The following RIT2 variants were observed in gnomAD, a reference collection of about 807,000 sequenced individuals.
The protein encoded by RIT2 is Ras like without CAAX 2.
RIT2 carries 24 observed loss-of-function variants against 23.7 expected under a neutral mutation model. The observed-to-expected ratio is 1.01, with a 90% CI of 0.73 to 1.43. RIT2 has a LOEUF of 1.43. Ranked by LOEUF, RIT2 falls within the 40% of genes most tolerant of loss-of-function variation. The probability of loss-of-function intolerance (pLI) is 0.00; values close to 1 mark genes in which losing one functional copy is unlikely to be tolerated. For missense variants in RIT2, 236 were observed against 266.9 expected, an observed-to-expected ratio of 0.88 and a Z score of 0.81; for synonymous variants, 107 against 91.1, an observed-to-expected ratio of 1.17 and a Z score of -0.99.
At chr18:42,841,106 G>A (rs541732183) in intron 4 of RIT2, among the ~76,000 whole-genome samples, 255 of 152,170 alleles carry the variant, frequency 1.7e-3, no homozygotes, top group African/African-American at 6.0e-3. Flanking sequence ...GCTGGATTAG[G>A]GAAAGAAAGA....
chr18:42,903,844 C>G (rs567332699), intron 4 of RIT2, among the ~76,000 whole-genome samples: 2 of 152,050 alleles, frequency 1.3e-5, no homozygotes, highest in East Asian at 3.9e-4. Flanking sequence ...CTAAGGCATC[C>G]TAAGTGAAAA....
chr18:43,103,775 C>A (rs927505605), intron 1 of RIT2, among the ~76,000 whole-genome samples: 1 of 152,092 alleles, frequency 6.6e-6, no homozygotes, highest in African/African-American at 2.4e-5. Flanking sequence ...TATTTCAATT[C>A]TAAAATGACG....
At chr18:42,754,698 T>C (rs1262538117) in intron 4 of RIT2, among the ~76,000 whole-genome samples, 1 of 152,166 alleles carries the variant, frequency 6.6e-6, no homozygotes, top group Non-Finnish European at 1.5e-5. Flanking sequence ...CTTATCTTAA[T>C]CCTCATTGTG....
chr18:42,977,498 G>A (rs575423530), intron 2 of RIT2, among the ~76,000 whole-genome samples: 2 of 151,896 alleles, frequency 1.3e-5, no homozygotes, highest in Admixed American at 1.3e-4. Flanking sequence ...TTCAGAAACC[G>A]TTGCTGTAGA....
At chr18:42,812,409 T>A (rs1345065148) in intron 4 of RIT2, among the ~76,000 whole-genome samples, 1 of 152,152 alleles carries the variant, frequency 6.6e-6, no homozygotes, top group Non-Finnish European at 1.5e-5. Flanking sequence ...TTGTTTTAAG[T>A]CCTTTAAAGT....
intron 2 of RIT2, among the ~76,000 whole-genome samples, chr18:43,024,415 T>G (rs181403062): frequency 1.3e-5 from 2 of 152,176 alleles, no homozygotes; most frequent in East Asian, 3.9e-4. Flanking sequence ...TCAAGATGGA[T>G]TAGAGACTTA....
intron 4 of RIT2, among the ~76,000 whole-genome samples, chr18:42,744,578 T>G (rs979390748): frequency 3.3e-5 from 5 of 152,136 alleles, no homozygotes; most frequent in Non-Finnish European, 7.4e-5. Context: ...TTTGACTTTT[T>G]TTTTTCCCCA....
chr18:42,919,725 A>AT (rs1368286987), intron 4 of RIT2, among the ~76,000 whole-genome samples: 1 of 151,936 alleles, frequency 6.6e-6, no homozygotes, highest in Non-Finnish European at 1.5e-5. Flanking sequence ...AAAAAAAAAA[A>AT]GTTTGTGGTC....
At chr18:43,064,048 C>T (rs575910882) in intron 1 of RIT2, among the ~76,000 whole-genome samples, 1 of 152,316 alleles carries the variant, frequency 6.6e-6, no homozygotes, top group South Asian at 2.1e-4. Context: ...AGTGGCAATA[C>T]TGGAAGCAGA....
At chr18:42,862,283 C>G (rs1010610941) in intron 4 of RIT2, among the ~76,000 whole-genome samples, 1 of 152,078 alleles carries the variant, frequency 6.6e-6, no homozygotes, top group Non-Finnish European at 1.5e-5. Context: ...TCTCCTGCCA[C>G]CACGTGAAGA....
chr18:42,929,182 T>C (rs1166695793), intron 3 of RIT2, among the ~76,000 whole-genome samples: 1 of 151,376 alleles, frequency 6.6e-6, no homozygotes, highest in South Asian at 2.1e-4. Context: ...TGATCAATTA[T>C]ATCACTTTTG....
intron 1 of RIT2, among the ~76,000 whole-genome samples, chr18:43,066,088 T>C (rs547294735): frequency 1.1e-4 from 17 of 152,324 alleles, no homozygotes; most frequent in African/African-American, 3.8e-4. Flanking sequence ...CCATAGATTC[T>C]ACCTGATTAG....
intron 2 of RIT2, among the ~76,000 whole-genome samples, chr18:43,002,573 G>A (rs1341006610): frequency 6.6e-6 from 1 of 151,924 alleles, no homozygotes; most frequent in Non-Finnish European, 1.5e-5. Flanking sequence ...AACAGATACT[G>A]GCTGCATGAT....
rs146686636 is a variant in RIT2 at position 42,935,241 on chromosome 18, C to A, written c.235-11478G>T. 7.4e-3 allele frequency among the ~76,000 whole-genome samples: 1,134 copies of A among 152,270 alleles called. 8 individuals carry two copies. The highest frequency in any genetic ancestry group is 0.021 in the South Asian group (102 of 4,824). On this transcript the variant is annotated intron_variant, in intron 3 of 4. Coordinates refer to ENST00000326695, the MANE Select transcript of RIT2 (RefSeq NM_002930.4). ...TATTCTGGTGTTAGTGTTGGGGCCT[C>A]AAGAAAGAGAGCTGAGCAGATGCTG...
chr18:42,766,048 T>G (rs1046277283), intron 4 of RIT2, among the ~76,000 whole-genome samples: 6 of 152,198 alleles, frequency 3.9e-5, no homozygotes, highest in African/African-American at 7.2e-5. Context: ...CCTCCCTTTG[T>G]TCCCAGTTTA....
chr18:42,867,039 T>G (rs1907490148), intron 4 of RIT2, among the ~76,000 whole-genome samples: 1 of 152,220 alleles, frequency 6.6e-6, no homozygotes. Flanking sequence ...AGCCATCATG[T>G]GTTCAATGTG....
chr18:43,097,666 T>G (rs1913586613), intron 1 of RIT2, among the ~76,000 whole-genome samples: 1 of 151,928 alleles, frequency 6.6e-6, no homozygotes, highest in South Asian at 2.1e-4. Context: ...GAGTTTTACT[T>G]GAGGCTGATT....
intron 2 of RIT2, among the ~76,000 whole-genome samples, chr18:42,994,687 G>A (rs1910936593): frequency 6.6e-6 from 1 of 152,050 alleles, no homozygotes. Context: ...TAGCCTTTTT[G>A]TCCAAACAAC....
intron 2 of RIT2, among the ~76,000 whole-genome samples, chr18:43,026,125 A>G (rs1320783970): frequency 6.6e-6 from 1 of 152,094 alleles, no homozygotes; most frequent in East Asian, 1.9e-4. Context: ...GGTAGTGAGA[A>G]TAGATGAATG....
Sources: allele counts gnomAD v4.1 joint callset (sites outside exome capture counted in the v4.1 genomes callset), GRCh38; gene constraint gnomAD v4.1.1; transcripts MANE v1.5; gene names NCBI Gene and HGNC (gene_info 2026-07-23, HGNC 2026-07-21).